The following SEMA5A variants were observed in gnomAD, a reference collection of about 807,000 sequenced individuals.
SEMA5A encodes the protein semaphorin 5A.
In SEMA5A, 55 loss-of-function variants were observed where a neutral mutation model predicts 135.5. The ratio of observed to expected loss-of-function variants is 0.41; its 90% CI spans 0.33 to 0.51. The LOEUF (loss-of-function observed/expected upper bound fraction) is 0.51, where lower values mean the gene tolerates loss of function less well. Ranked by LOEUF, SEMA5A falls within the 20% of genes least tolerant of loss-of-function variation. The pLI is 0.37. For synonymous variants in SEMA5A, 580 were observed against 546.5 expected, an observed-to-expected ratio of 1.06 and a Z score of -0.85; for missense variants, 1,290 against 1,419.9, an observed-to-expected ratio of 0.91 and a Z score of 1.47.
At chr5:9,304,520 T>TAA (rs1751768100) in intron 5 of SEMA5A, among the ~76,000 whole-genome samples, 1 of 151,884 alleles carries the variant, frequency 6.6e-6, no homozygotes, top group African/African-American at 2.4e-5. Context: ...AGATCTAAAA[T>TAA]AATAAAGAAA....
chr5:9,381,959 T>G, intron 2 of SEMA5A, among the ~76,000 whole-genome samples: 1 of 125,744 alleles, frequency 8.0e-6, no homozygotes, highest in African/African-American at 3.4e-5. Context: ...TGTGTGTGTG[T>G]GTGTGTGTGT....
At chr5:9,086,198 T>A (rs253629) in intron 16 of SEMA5A, among the ~76,000 whole-genome samples, 99,300 of 152,022 alleles carry the variant, frequency 0.65, 35,193 homozygotes, top group Non-Finnish European at 0.8. Context: ...TGCTGAAGTG[T>A]GTTAAGATTT....
At chr5:9,400,157 G>A (rs1046878946) in intron 2 of SEMA5A, among the ~76,000 whole-genome samples, 3 of 152,064 alleles carry the variant, frequency 2.0e-5, no homozygotes, top group Admixed American at 1.3e-4. Context: ...AGGGCCTGTC[G>A]CAGGGTTGGA....
chr5:9,062,875 C>A lies in SEMA5A; in HGVS notation c.2518+12G>T. 6.2e-7 allele frequency: 1 copy of A among 1,614,054 alleles called. No individual in the cohort carries two copies. Among genetic ancestry groups the A allele is most frequent in the East Asian group, 2.2e-5 (1 of 44,886 alleles). On this transcript the variant is annotated intron_variant, in intron 18 of 22. Coordinates refer to ENST00000382496, the MANE Select transcript of SEMA5A (RefSeq NM_003966.3). ...GTTTTCAGATGTTTTGTAGACTACACAATCCACTTACCTGGGCAGGGCAAA... is the reference window on the plus strand; with the variant it reads ...GTTTTCAGATGTTTTGTAGACTACAAAATCCACTTACCTGGGCAGGGCAAA...
intron 15 of SEMA5A, among the ~76,000 whole-genome samples, chr5:9,115,776 A>G (rs1036061412): frequency 6.6e-6 from 1 of 152,128 alleles, no homozygotes; most frequent in Non-Finnish European, 1.5e-5. Context: ...GGCCCTAGTG[A>G]GCTCTGCCTC....
Position 9,122,774 on chromosome 5 carries a change from T to C in SEMA5A, c.1663A>G (p.Thr555Ala). 1 of 1,613,346 alleles carries C rather than the reference T, an allele frequency of 6.2e-7. No homozygotes were observed. Among genetic ancestry groups the C allele is most frequent in the Non-Finnish European group, 8.5e-7 (1 of 1,179,796 alleles). Reference protein sequence around the residue: ...VWSPWTPCTHTDGSAVGSCLC... With the variant: ...VWSPWTPCTHADGSAVGSCLC... ...CAGGATCCCACGGCGCTGCCATCTGTGTGCGTGCAAGGCGTCCACGGAGAC... is the reference window on the plus strand; with the variant it reads ...CAGGATCCCACGGCGCTGCCATCTGCGTGCGTGCAAGGCGTCCACGGAGAC... Residue 555 changes from threonine to alanine, a missense_variant, in exon 14 of 23, where the codon ACA (threonine) becomes GCA (alanine). Physicochemically the swap from Thr to Ala is moderately conservative, Grantham distance 58 (BLOSUM62 0). Transcript: ENST00000382496.
At chr5:9,355,618 T>G (rs185647554) in intron 3 of SEMA5A, among the ~76,000 whole-genome samples, 1 of 152,130 alleles carries the variant, frequency 6.6e-6, no homozygotes, top group East Asian at 1.9e-4. Context: ...CACTAGAAAT[T>G]GCAATGGAGA....
At position 9,197,740 on chromosome 5, in the gene SEMA5A, G is replaced by GTGTTTGTGTGTT. The variant is rs1554001562; in HGVS notation, c.933-438_933-437insAACACACAAACA. Among the ~76,000 whole-genome samples, 39 of 96,804 alleles carry GTGTTTGTGTGTT rather than the reference G, an allele frequency of 4.0e-4. 1 individual carries two copies. The highest frequency in any genetic ancestry group is 1.3e-3 in the African/African-American group (38 of 28,344). The allele number at this position is 96,804 out of a possible 152,430, so 63.5% of individuals were successfully genotyped here. ...CAGGGAAAGCTGTTTGTGTGTGTGT[G>GTGTTTGTGTGTT]TGTGTGTGTGTGTGTGTGTGTGTGT... On this transcript the variant is annotated intron_variant, in intron 9 of 22. Transcript: ENST00000382496.
chr5:9,302,882 G>T (rs947042159), intron 5 of SEMA5A, among the ~76,000 whole-genome samples: 3 of 152,102 alleles, frequency 2.0e-5, no homozygotes, highest in South Asian at 2.1e-4. Context: ...TTCAAAGCCA[G>T]ATTTTTTAAT....
At chr5:9,224,008 G>A (rs746208281) in intron 8 of SEMA5A, among the ~76,000 whole-genome samples, 15 of 152,064 alleles carry the variant, frequency 9.9e-5, no homozygotes, top group African/African-American at 3.1e-4. Flanking sequence ...GCTCTTCTTC[G>A]AGTGGATGTT....
intron 14 of SEMA5A, among the ~76,000 whole-genome samples, chr5:9,121,064 G>A (rs577614424): frequency 1.4e-3 from 218 of 152,178 alleles, no homozygotes; most frequent in Non-Finnish European, 2.6e-3. Flanking sequence ...AGGCGTGAGC[G>A]ACCATGCCAG....
At chr5:9,512,461 G>T (rs979082309) in intron 1 of SEMA5A, among the ~76,000 whole-genome samples, 4 of 152,184 alleles carry the variant, frequency 2.6e-5, no homozygotes, top group African/African-American at 4.8e-5. Context: ...TGGGTAGGAA[G>T]TGGTGAATCC....
At chr5:9,522,007 C>A (rs552844307) in intron 1 of SEMA5A, among the ~76,000 whole-genome samples, 6 of 152,108 alleles carry the variant, frequency 3.9e-5, no homozygotes, top group Admixed American at 2.6e-4. Context: ...GGTCCAAGAC[C>A]GTCCTGGGTT....
In SEMA5A at chr5:9,066,650, G is replaced by A; in HGVS notation, c.2074-4C>T. The A allele has an allele frequency of 6.2e-7, 1 of 1,613,298 alleles. No homozygotes were observed. Among genetic ancestry groups the A allele is most frequent in the Non-Finnish European group, 8.5e-7 (1 of 1,179,648 alleles). On this transcript the variant is annotated splice_polypyrimidine_tract_variant and splice_region_variant and intron_variant, in intron 16 of 22. Transcript: ENST00000382496. The stretch of plus-strand genomic sequence containing the variant: ...TGGTGTTGCAAGACTGGTACTCCTG[G>A]GGAGAATGCGCAGACGAGTGTTACT...
chr5:9,104,544 CTA>C (rs1178063993), intron 16 of SEMA5A, among the ~76,000 whole-genome samples: 1 of 152,152 alleles, frequency 6.6e-6, no homozygotes, highest in Non-Finnish European at 1.5e-5. Flanking sequence ...TTATAAATGT[CTA>C]TGTTAGACTT....
At chr5:9,255,929 T>TA (rs11376777) in intron 5 of SEMA5A, among the ~76,000 whole-genome samples, 86,483 of 151,896 alleles carry the variant, frequency 0.57, 24,667 homozygotes, top group East Asian at 0.72. Flanking sequence ...GTGTTGCCCA[T>TA]ACACTACCCA....
intron 2 of SEMA5A, among the ~76,000 whole-genome samples, chr5:9,393,243 T>C (rs1756244021): frequency 6.6e-6 from 1 of 152,216 alleles, no homozygotes. Context: ...CCATCCTAAA[T>C]ATAAAGCCAG....
intron 2 of SEMA5A, among the ~76,000 whole-genome samples, chr5:9,384,331 A>G (rs1007010846): frequency 6.6e-6 from 1 of 152,100 alleles, no homozygotes; most frequent in African/African-American, 2.4e-5. Flanking sequence ...CATTCATACC[A>G]GGGCTTTTAG....
At chr5:9,271,852 C>T (rs555097687) in intron 5 of SEMA5A, among the ~76,000 whole-genome samples, 47 of 152,308 alleles carry the variant, frequency 3.1e-4, no homozygotes, top group Admixed American at 5.2e-4. Context: ...ACTTTTCTCA[C>T]GCTCTTCACA....
Sources: gnomAD v4.1 joint callset for allele counts (sites outside exome capture counted in the v4.1 genomes callset) on GRCh38, gnomAD v4.1.1 for gene constraint, MANE v1.5 for transcripts, NCBI Gene and HGNC (gene_info 2026-07-23, HGNC 2026-07-21) for gene names.